The following AGAP6 variants were observed in gnomAD, a reference collection of about 807,000 sequenced individuals.
The protein encoded by AGAP6 is ArfGAP with GTPase domain, ankyrin repeat and PH domain 6, also known as arf-GAP with GTPase, ANK repeat and PH domain-containing protein 6.
A neutral mutation model predicts 63.9 loss-of-function variants in AGAP6; 29 were observed. That is an observed-to-expected ratio of 0.45 (90% CI 0.34 to 0.62). The LOEUF (loss-of-function observed/expected upper bound fraction) is 0.62, where lower values mean the gene tolerates loss of function less well. AGAP6 is among the 20% of genes least tolerant of loss of function. AGAP6 has a pLI of 0.01. For synonymous variants in AGAP6, 199 were observed against 332.9 expected (o/e 0.60, Z 4.38); for missense variants, 493 against 884.9 (o/e 0.56, Z 5.62).
intron 4 of AGAP6, among the ~76,000 whole-genome samples, chr10:49,996,903 T>C (rs1476333240): frequency 2.0e-5 from 3 of 151,096 alleles, no homozygotes; most frequent in Non-Finnish European, 3.0e-5. Context: ...CACTCCTTTA[T>C]CTACTTTTTA....
At chr10:50,006,043 A>G (rs1383743823) in intron 6 of AGAP6, among the ~76,000 whole-genome samples, 89 of 151,828 alleles carry the variant, frequency 5.9e-4, no homozygotes, top group African/African-American at 2.1e-3. Flanking sequence ...AAAACTTCAC[A>G]AGTGGTGGTT....
In AGAP6 at chr10:49,999,110, C is replaced by T. The variant is rs1420185076; in HGVS notation, c.397-2886C>T. On this transcript the variant is annotated intron_variant, in intron 4 of 7. Transcript: ENST00000412531. The stretch of plus-strand genomic sequence containing the variant: ...AAAGTTAGCCGGGTGTGGTGGCGCT[C>T]ACCTGTAATCCCATCTACTCAGGTG... Among the ~76,000 whole-genome samples the T allele has an allele frequency of 2.2e-5, 3 of 136,610 alleles. 1 individual carries two copies. In the Admixed American group the frequency reaches 2.5e-4, roughly 11 times the overall value. 89.6% of individuals were successfully genotyped at this position (136,610 alleles called of 152,430 possible).
intron 6 of AGAP6, among the ~76,000 whole-genome samples, chr10:50,005,354 G>A (rs1200780345): frequency 6.6e-6 from 1 of 152,246 alleles, no homozygotes; most frequent in Non-Finnish European, 1.5e-5. Context: ...GCTCACGCCT[G>A]TAATCCCAGC....
rs1433327367 is a variant in AGAP6, at chr10:49,991,855, A to C, written c.361+111A>C. 2.1e-4 allele frequency: 313 copies of C among 1,508,994 alleles called. 2 individuals are homozygous for C. In the African/African-American group the frequency reaches 3.7e-3, roughly 18 times the overall value. The allele number at this position is 1,508,994 out of a possible 1,614,324, so 93.5% of individuals were successfully genotyped here. A position where few individuals can be genotyped will look rare whatever the true frequency, so the allele number is the denominator to read the frequency against. ...ATTGGTTTAAATTTTTCACCTTTTC[A>C]CATGTTCACTTGTCTTATTTTAATA... On this transcript the variant is annotated intron_variant, in intron 3 of 7. Transcript: ENST00000412531.
At chr10:49,994,818 C>T (rs1391855842) in intron 4 of AGAP6, among the ~76,000 whole-genome samples, 3 of 151,812 alleles carry the variant, frequency 2.0e-5, no homozygotes, top group African/African-American at 4.8e-5. Context: ...CAAAAGTAGC[C>T]GGGCGTGGTG....
Position 49,998,942 on chromosome 10 carries a change from G to A in AGAP6, c.397-3054G>A, listed in dbSNP as rs1441085533. On this transcript the variant is annotated intron_variant, in intron 4 of 7. Coordinates refer to ENST00000412531, the MANE Select transcript of AGAP6 (RefSeq NM_001077665.3). ...ATCAAAAAATAATCCGGCCAGGCAC[G>A]GTGGCTCACACCTGTAATCCCAGCA... Among the ~76,000 whole-genome samples the A allele has an allele frequency of 5.0e-5, 7 of 141,314 alleles. 1 individual carries two copies. Among genetic ancestry groups the A allele is most frequent in the Admixed American group, 1.6e-4 (2 of 12,768 alleles). The allele number at this position is 141,314 out of a possible 152,430, so 92.7% of individuals were successfully genotyped here.
intron 3 of AGAP6, among the ~76,000 whole-genome samples, chr10:49,993,070 A>G (rs1398068779): frequency 3.9e-4 from 60 of 152,100 alleles, no homozygotes; most frequent in Non-Finnish European, 2.9e-5. Flanking sequence ...CCAGTACCAC[A>G]GTCTTTTAAA....
intron 7 of AGAP6, 35 bp downstream of exon 7, chr10:50,008,111 C>T: frequency 6.2e-7 from 1 of 1,611,848 alleles, no homozygotes; most frequent in Non-Finnish European, 8.5e-7. Context: ...GTATTTTCAT[C>T]ATACACTTGT....
chr10:50,003,170 C>CT (rs1554863249), intron 5 of AGAP6, among the ~76,000 whole-genome samples: 1 of 141,824 alleles, frequency 7.1e-6, no homozygotes, highest in African/African-American at 2.7e-5. Context: ...TTTTAGAAGT[C>CT]TACTTTTGAG....
At chr10:50,001,500 A>T (rs1365109855) in intron 4 of AGAP6, among the ~76,000 whole-genome samples, 1 of 103,136 alleles carries the variant, frequency 9.7e-6, no homozygotes, top group African/African-American at 3.3e-5. Flanking sequence ...GCTCACTGCA[A>T]GCTCCGCCTC....
chr10:50,006,285 A>G (rs1329446333), intron 6 of AGAP6, among the ~76,000 whole-genome samples: 9 of 152,244 alleles, frequency 5.9e-5, no homozygotes, highest in African/African-American at 1.9e-4. Flanking sequence ...TGCCAAGCCT[A>G]CAGTAGAAGG....
chr10:49,997,868 A>G (rs1292073979), intron 4 of AGAP6, among the ~76,000 whole-genome samples: 1 of 144,436 alleles, frequency 6.9e-6, no homozygotes, highest in Non-Finnish European at 1.5e-5. Context: ...CCACGTATGA[A>G]AGAGAACATG....
intron 7 of AGAP6, 42 bp downstream of exon 7, chr10:50,008,118 T>C: frequency 1.2e-6 from 2 of 1,611,842 alleles, no homozygotes; most frequent in Non-Finnish European, 1.7e-6. Context: ...CATCATACAC[T>C]TGTATCTGTT....
chr10:49,989,018 A>C (rs868935871), intron 1 of AGAP6, 80 bp downstream of exon 1: 239 of 1,597,346 alleles, frequency 1.5e-4, no homozygotes, highest in Admixed American at 3.5e-4. Flanking sequence ...GAGGCATCCC[A>C]CACTTCGAGC....
At position 50,007,878 on chromosome 10, in the gene AGAP6, T is replaced by G. The variant is rs1316128396; in HGVS notation, c.534-147T>G. 5.5e-6 allele frequency: 8 copies of G among 1,467,712 alleles called. No homozygotes were observed. The East Asian group carries it at 1.9e-4, about 35-fold the overall frequency. 90.9% of individuals were successfully genotyped at this position (1,467,712 alleles called of 1,614,324 possible). On this transcript the variant is annotated intron_variant, in intron 6 of 7. Coordinates refer to ENST00000412531, the MANE Select transcript of AGAP6 (RefSeq NM_001077665.3). Reference sequence around the variant, plus strand: ...TGAGAAAGAAGAAGTCAGGAAACCCTCTGCAAGTCAGGATCCAATAGAAGA... The same window carrying G: ...TGAGAAAGAAGAAGTCAGGAAACCCGCTGCAAGTCAGGATCCAATAGAAGA...
intron 3 of AGAP6, among the ~76,000 whole-genome samples, chr10:49,993,482 T>G (rs1554861457): frequency 6.6e-6 from 1 of 152,148 alleles, no homozygotes; most frequent in Non-Finnish European, 1.5e-5. Context: ...TTTTTTGTGC[T>G]GCAGACACCA....
At position 49,988,897 on chromosome 10, in the gene AGAP6, A is replaced by G; in HGVS notation, c.182A>G (p.Asp61Gly). The G allele has an allele frequency of 1.3e-6, 2 of 1,597,982 alleles. No individual in the cohort carries two copies. Among genetic ancestry groups the G allele is most frequent in the Non-Finnish European group, 8.5e-7 (1 of 1,178,726 alleles). Residue 61 changes from aspartate to glycine, a missense_variant, in exon 1 of 8, where the codon GAC (aspartate) becomes GGC (glycine). By Grantham distance (94) the Asp-to-Gly change is moderately conservative (BLOSUM62 -1). Around this residue, in one of 7 missense-constraint regions of AGAP6, gnomAD observed 342 missense variants for 533.4 expected, o/e 0.64. Coordinates refer to ENST00000412531, the MANE Select transcript of AGAP6 (RefSeq NM_001077665.3). ...GAGGTGACTGTTGAAGTTGGTGAGGACCTCCACATGCACCACGTTCGTGAC... is the reference window on the plus strand; with the variant it reads ...GAGGTGACTGTTGAAGTTGGTGAGGGCCTCCACATGCACCACGTTCGTGAC... ...PAEVTVEVGEDLHMHHVRDRE... is the reference protein window; with the variant it reads ...PAEVTVEVGEGLHMHHVRDRE...
intron 1 of AGAP6, 59 bp downstream of exon 1, chr10:49,988,997 TG>T: frequency 6.3e-7 from 1 of 1,594,734 alleles, no homozygotes; most frequent in Non-Finnish European, 8.5e-7. Context: ...GCTGTCCCCA[TG>T]GTTCCCTTTG....
rs1554862983 is a variant in AGAP6, at chr10:50,001,982, C to A, written c.397-14C>A. ...ACTTTGATAAGTTTGACTTACAGTTCCCTTCCCCTTCAGGTATCTGCTGTG... is the reference window on the plus strand; with the variant it reads ...ACTTTGATAAGTTTGACTTACAGTTACCTTCCCCTTCAGGTATCTGCTGTG... On this transcript the variant is annotated splice_polypyrimidine_tract_variant and intron_variant, in intron 4 of 7. Coordinates refer to ENST00000412531, the MANE Select transcript of AGAP6 (RefSeq NM_001077665.3). 3 of 1,611,982 alleles carry A rather than the reference C, an allele frequency of 1.9e-6. No homozygotes were observed. Among genetic ancestry groups the A allele is most frequent in the African/African-American group, 1.3e-5 (1 of 75,020 alleles).
Sources: allele counts gnomAD v4.1 joint callset (sites outside exome capture counted in the v4.1 genomes callset), GRCh38; gene constraint gnomAD v4.1.1; regional missense constraint gnomAD v4.1.1; transcripts MANE v1.5; gene names NCBI Gene and HGNC (gene_info 2026-07-23, HGNC 2026-07-21).